Variants in PCSK9 observed in about 807,000 individuals in gnomAD.
PCSK9 encodes the protein convertase subtilisin/kexin type 9 preproprotein.
A neutral mutation model predicts 62.1 loss-of-function variants in PCSK9; 57 were observed. That is an observed-to-expected ratio of 0.92 (90% CI 0.74 to 1.14). The LOEUF (loss-of-function observed/expected upper bound fraction) is 1.14. Ranked by LOEUF, PCSK9 falls within the 50% of genes most tolerant of loss-of-function variation. PCSK9 has a pLI of 0.00. For synonymous variants in PCSK9, 387 were observed against 409.4 expected (o/e 0.95, Z 0.66); for missense variants, 870 against 959.8 (o/e 0.91, Z 1.24).
chr1:55,049,962 T>G (rs1557502255), intron 3 of PCSK9, among the ~76,000 whole-genome samples: 1 of 149,874 alleles, frequency 6.7e-6, no homozygotes, highest in African/African-American at 2.4e-5. Flanking sequence ...TCACCTGGGC[T>G]AACTCAGCTG....
chr1:55,045,734 T>A (rs928805545), intron 2 of PCSK9, among the ~76,000 whole-genome samples: 14 of 151,014 alleles, frequency 9.3e-5, no homozygotes, highest in East Asian at 5.9e-4. Flanking sequence ...TTGCCCAGAC[T>A]GGAGTGCAGT....
chr1:55,055,647 T>C, intron 5 of PCSK9, among the ~76,000 whole-genome samples: 1 of 152,188 alleles, frequency 6.6e-6, no homozygotes, highest in Non-Finnish European at 1.5e-5. Flanking sequence ...CCAGGCAGGC[T>C]GGCAATTCCT....
intron 1 of PCSK9, among the ~76,000 whole-genome samples, chr1:55,042,411 G>C (rs1158176504): frequency 6.6e-6 from 1 of 152,164 alleles, no homozygotes; most frequent in Non-Finnish European, 1.5e-5. Flanking sequence ...CATATATTTT[G>C]CTGCATAGAT....
intron 6 of PCSK9, 37 bp downstream of exon 6, chr1:55,056,226 G>T (rs765046016): frequency 1.2e-4 from 75 of 608,626 alleles, no homozygotes; most frequent in Middle Eastern, 5.6e-4. Flanking sequence ...GCGCGGGTAG[G>T]GGGCGGAGGG....
chr1:55,058,032 C>G lies in PCSK9; in HGVS notation c.1181-4C>G. On this transcript the variant is annotated splice_polypyrimidine_tract_variant and splice_region_variant and intron_variant, in intron 7 of 11. Coordinates refer to ENST00000302118, the MANE Select transcript of PCSK9 (RefSeq NM_174936.4). ...CCATCTTTCACCATTCACCCCTGCA[C>G]CAGGCATTGCAGCCATGATGCTGTC... 6.2e-7 allele frequency: 1 copy of G among 1,613,642 alleles called. No homozygotes were observed. The highest frequency in any genetic ancestry group is 8.5e-7 in the Non-Finnish European group (1 of 1,180,042).
chr1:55,050,991 G>A (rs1644668837), intron 3 of PCSK9: 1 of 380,660 alleles, frequency 2.6e-6, no homozygotes. Flanking sequence ...CGTGGAGACA[G>A]AGGTGGAGAT....
Position 55,040,058 on chromosome 1 carries a change from G to GGT in PCSK9, c.207+14_207+15insGT, listed in dbSNP as rs1462161018. 6.4e-7 allele frequency: 1 copy of GGT among 1,554,686 alleles called. No homozygotes were observed. Among genetic ancestry groups the GGT allele is most frequent in the African/African-American group, 1.4e-5 (1 of 73,346 alleles). ...CGCTGCGCCAAGGTGCGGGTGTAGGGATGGGAGGCCGGGGCGAACCCGCAG... is the reference window on the plus strand; with the variant it reads ...CGCTGCGCCAAGGTGCGGGTGTAGGGGTATGGGAGGCCGGGGCGAACCCGCAG... On this transcript the variant is annotated intron_variant, in intron 1 of 11. Transcript: ENST00000302118. This position sits in a 1 kb window ranked among gnomAD's most constrained non-coding sequence, Gnocchi z 4.1.
At chr1:55,058,449 A>C in intron 8 of PCSK9, 50 bp from the exon 9 acceptor site, 1 of 1,611,866 alleles carries the variant, frequency 6.2e-7, no homozygotes, top group Admixed American at 1.7e-5. Context: ...ATTTCTGTGG[A>C]GGTCCCCTCA....
chr1:55,052,198 G>A, intron 3 of PCSK9, 80 bp from the exon 4 acceptor site: 2 of 1,592,672 alleles, frequency 1.3e-6, no homozygotes, highest in Admixed American at 1.7e-5. Flanking sequence ...CCTGGGATGT[G>A]CTCTGTAGTT....
rs749580170 is a variant in PCSK9, at chr1:55,056,162, C to T, written c.969C>T (p.Cys323=). 5 of 1,507,800 alleles carry T rather than the reference C, an allele frequency of 3.3e-6. No homozygotes were observed. In the African/African-American group the frequency reaches 5.6e-5, roughly 17 times the overall value. The allele number at this position is 1,507,800 out of a possible 1,614,324, so 93.4% of individuals were successfully genotyped here. ...TAAGNFRDDA[C]LYSPASAPEV... ...CCGGCAACTTCCGGGACGATGCCTG[C>T]CTCTACTCCCCAGCCTCAGCTCCCG... Residue 323 remains cysteine, a synonymous_variant, in exon 6 of 12, where the codon TGC becomes TGT. Transcript: ENST00000302118.
At position 55,058,571 on chromosome 1, in the gene PCSK9, G is replaced by A. The variant is rs376388695; in HGVS notation, c.1427G>A (p.Arg476His). The part of the protein sequence containing the change: ...GPTRMATAVA[R>H]CAPDEELLSC... ...ACACGGATGGCCACAGCCGTCGCCC[G>A]CTGCGCCCCAGATGAGGAGCTGCTG... Residue 476 changes from arginine (R) to histidine (H), a missense_variant, in exon 9 of 12, where the codon CGC (arginine) becomes CAC (histidine). Transcript: ENST00000302118. 6 of 1,611,968 alleles carry A rather than the reference G, an allele frequency of 3.7e-6. No individual in the cohort carries two copies. Among genetic ancestry groups the A allele is most frequent in the Middle Eastern group, 2.2e-4 (1 of 4,458 alleles).
intron 3 of PCSK9, among the ~76,000 whole-genome samples, chr1:55,047,461 C>T (rs868052443): frequency 2.6e-5 from 4 of 152,138 alleles, no homozygotes; most frequent in Non-Finnish European, 2.9e-5. Flanking sequence ...TACCGGTTCT[C>T]GTGGGATCTT....
chr1:55,058,725 T>A, intron 9 of PCSK9, 78 bp downstream of exon 9: 1 of 1,537,170 alleles, frequency 6.5e-7, no homozygotes, highest in East Asian at 2.5e-5. Context: ...GTGTCAGTGC[T>A]GGGCCCTCAG....
At chr1:55,058,470 C>T (rs1405719015) in intron 8 of PCSK9, 29 bp from the exon 9 acceptor site, 2 of 1,612,210 alleles carry the variant, frequency 1.2e-6, no homozygotes, top group Non-Finnish European at 8.5e-7. Context: ...CTCCCAGCAC[C>T]CCCTCCTCAT....
chr1:55,052,676 C>T lies in PCSK9; in HGVS notation c.684C>T (p.Thr228=). Residue 228 remains threonine (T), a synonymous_variant, in exon 5 of 12, where the codon ACC becomes ACT. Coordinates refer to ENST00000302118, the MANE Select transcript of PCSK9 (RefSeq NM_174936.4). ...RQASKCDSHG[T]HLAGVVSGRD... ...CCAGCAAGTGTGACAGTCATGGCAC[C>T]CACCTGGCAGGGGTGGTCAGCGGCC... 1 of 1,613,156 alleles carries T rather than the reference C, an allele frequency of 6.2e-7. No individual in the cohort carries two copies. Among genetic ancestry groups the T allele is most frequent in the Non-Finnish European group, 8.5e-7 (1 of 1,179,858 alleles).
intron 5 of PCSK9, among the ~76,000 whole-genome samples, chr1:55,054,592 T>C (rs634272): frequency 0.72 from 109,713 of 152,004 alleles, 39,829 homozygotes; most frequent in East Asian, 0.84. Flanking sequence ...CTCCCACACC[T>C]CATTTGACAG....
chr1:55,044,035 G>T lies in PCSK9; in HGVS notation c.399+1G>T, dbSNP rs1461760908. On this transcript the variant is annotated splice_donor_variant, in intron 2 of 11. Transcript: ENST00000302118. LOFTEE classifies it high-confidence loss of function. ...GATGAGTGGCGACCTGCTGGAGCTG[G>T]TGAGCCACCCTTTTTGGGAATGGCA... The T allele has an allele frequency of 3.1e-6, 5 of 1,614,012 alleles. No homozygotes were observed. Among genetic ancestry groups the T allele is most frequent in the Non-Finnish European group, 4.2e-6 (5 of 1,180,038 alleles).
Position 55,040,188 on chromosome 1 carries a change from G to A in PCSK9, c.207+144G>A, listed in dbSNP as rs2479410. ...GGGCTCTTCGCTTGGCACGATCTTG[G>A]GGACTGCAGGCAAGGCGGCGGGGGA... On this transcript the variant is annotated intron_variant, in intron 1 of 11. Coordinates refer to ENST00000302118, the MANE Select transcript of PCSK9 (RefSeq NM_174936.4). The surrounding 1 kb of genome is among the most constrained non-coding windows in gnomAD (Gnocchi z 4.1). 0.32 allele frequency: 374,053 copies of A among 1,164,816 alleles called. 62,539 individuals carry two copies. Among genetic ancestry groups the A allele is most frequent in the Non-Finnish European group, 0.35 (287,955 of 830,084 alleles). 72.2% of individuals were successfully genotyped at this position (1,164,816 alleles called of 1,614,324 possible).
Position 55,043,913 on chromosome 1 carries a change from G to A in PCSK9, c.278G>A (p.Arg93His), listed in dbSNP as rs763855534. The change falls in exon 2 of 12, where the codon CGC becomes CAC. Residue 93 changes from arginine (R) to histidine (H), a missense_variant. By Grantham distance (29) the Arg-to-His change is conservative. Transcript: ENST00000302118. Reference sequence around the variant, plus strand: ...GAGACCCACCTCTCGCAGTCAGAGCGCACTGCCCGCCGCCTGCAGGCCCAG... The same window carrying A: ...GAGACCCACCTCTCGCAGTCAGAGCACACTGCCCGCCGCCTGCAGGCCCAG... Reference protein sequence around the residue: ...KEETHLSQSERTARRLQAQAA... With the variant: ...KEETHLSQSEHTARRLQAQAA... 34 of 1,614,062 alleles carry A rather than the reference G, an allele frequency of 2.1e-5. No homozygotes were observed. The highest frequency in any genetic ancestry group is 6.6e-5 in the South Asian group (6 of 91,086).
Sources: gnomAD v4.1 joint callset for allele counts (sites outside exome capture counted in the v4.1 genomes callset) on GRCh38, gnomAD v4.1.1 for gene constraint, Gnocchi (gnomAD v3.1) non-coding constraint, MANE v1.5 for transcripts, NCBI Gene and HGNC (gene_info 2026-07-23, HGNC 2026-07-21) for gene names.